NUP210L: variants seen among roughly 807,000 people sequenced by gnomAD.
The protein encoded by NUP210L is nucleoporin 210 like.
In NUP210L, 74 loss-of-function variants were observed where a neutral mutation model predicts 208.5. That is an observed-to-expected ratio of 0.35 (90% confidence interval 0.29 to 0.43). NUP210L has a LOEUF of 0.43. Among genes scored for constraint, NUP210L ranks in the 20% least tolerant of loss-of-function variants. The pLI is 1.00. For synonymous variants in NUP210L, 780 were observed against 816.9 expected (o/e 0.95, Z 0.77); for missense variants, 1,843 against 2,289.4 (o/e 0.81, Z 3.98).
chr1:154,002,160 A>G (rs565254972), intron 35 of NUP210L, among the ~76,000 whole-genome samples, 175 bp from the exon 36 acceptor site: 33 of 152,294 alleles, frequency 2.2e-4, no homozygotes, highest in Middle Eastern at 6.8e-3. Flanking sequence ...AGGATGCCAA[A>G]TAAAAAGAAA....
intron 17 of NUP210L, among the ~76,000 whole-genome samples, chr1:154,062,361 C>T (rs1654183121): frequency 6.6e-6 from 1 of 151,978 alleles, no homozygotes; most frequent in Admixed American, 6.6e-5. Flanking sequence ...CTTTCATTCT[C>T]CTAAATTGTC....
intron 16 of NUP210L, among the ~76,000 whole-genome samples, chr1:154,086,979 C>T (rs1006184486): frequency 6.6e-6 from 1 of 152,104 alleles, no homozygotes; most frequent in Non-Finnish European, 1.5e-5. Context: ...TCTGAATATA[C>T]ATTTGTCAAA....
intron 7 of NUP210L, among the ~76,000 whole-genome samples, chr1:154,130,684 A>G (rs1393881691): frequency 6.6e-6 from 1 of 150,604 alleles, no homozygotes. Context: ...CCTGGACTCA[A>G]GCGATTCTCC....
rs184211124 is a variant in NUP210L at position 154,054,571 on chromosome 1, G to T, written c.3304-164C>A. On this transcript the variant is annotated intron_variant, in intron 24 of 39. Transcript: ENST00000368559. ...CAGAAGAAATGGAAGTACTGCAAAT[G>T]ATCCATGGGATTCCAAGAGAGTTTT... Among the ~76,000 whole-genome samples, 299 of 152,288 alleles carry T rather than the reference G, an allele frequency of 2.0e-3. 2 individuals carry two copies. The highest frequency in any genetic ancestry group is 7.0e-3 in the African/African-American group (290 of 41,560).
At chr1:154,048,803 G>A (rs1653324398) in intron 25 of NUP210L, among the ~76,000 whole-genome samples, 1 of 152,180 alleles carries the variant, frequency 6.6e-6, no homozygotes, top group Admixed American at 6.5e-5. Context: ...AATTTAAAAG[G>A]AGTGCAAGTA....
intron 37 of NUP210L, among the ~76,000 whole-genome samples, chr1:153,997,126 G>C (rs1302749381): frequency 2.0e-5 from 3 of 151,906 alleles, no homozygotes; most frequent in Non-Finnish European, 4.4e-5. Context: ...ACCACGCCCA[G>C]ATAATTTTTG....
At chr1:154,097,869 G>A (rs1015124500) in intron 14 of NUP210L, among the ~76,000 whole-genome samples, 1 of 152,202 alleles carries the variant, frequency 6.6e-6, no homozygotes. Flanking sequence ...AGGATACTTA[G>A]GGTGTTGCTT....
chr1:154,083,080 A>T (rs552965958), intron 16 of NUP210L, among the ~76,000 whole-genome samples: 27 of 152,316 alleles, frequency 1.8e-4, no homozygotes, highest in Middle Eastern at 3.4e-3. Context: ...ATTTACTGTG[A>T]AGACCAAATG....
chr1:154,090,471 C>A (rs374497031), intron 15 of NUP210L, among the ~76,000 whole-genome samples: 8 of 152,070 alleles, frequency 5.3e-5, no homozygotes, highest in Non-Finnish European at 1.2e-4. Flanking sequence ...ATGATAAAAG[C>A]CTTACCACAG....
At chr1:154,143,539 C>T (rs933465550) in exon 3 of NUP210L, 1 of 1,613,958 alleles carries the variant, frequency 6.2e-7, no homozygotes. Flanking sequence ...CTGTTTATCA[C>T]ATCAACCTTA....
chr1:154,035,275 T>C (rs1652469740), intron 27 of NUP210L, among the ~76,000 whole-genome samples: 1 of 152,182 alleles, frequency 6.6e-6, no homozygotes, highest in South Asian at 2.1e-4. Flanking sequence ...TTCTTTTTCA[T>C]TTCAATTTCA....
At chr1:154,074,176 C>T (rs1654921750) in intron 16 of NUP210L, among the ~76,000 whole-genome samples, 1 of 152,018 alleles carries the variant, frequency 6.6e-6, no homozygotes, top group Admixed American at 6.6e-5. Flanking sequence ...GTATGGTTTC[C>T]CCTCTGTGGG....
chr1:154,149,087 C>CTTTTTTT lies in NUP210L; in HGVS notation c.340+3642_340+3648dup, dbSNP rs770217261. Among the ~76,000 whole-genome samples the CTTTTTTT allele has an allele frequency of 4.0e-4, 48 of 119,334 alleles. No individual in the cohort carries two copies. The South Asian group carries it at 6.7e-3, about 17-fold the overall frequency. 78.3% of individuals were successfully genotyped at this position (119,334 alleles called of 152,430 possible). On this transcript the variant is annotated intron_variant, in intron 2 of 39. Coordinates refer to ENST00000368559, the Ensembl canonical transcript of NUP210L. ...ACTACTTCAACAGCAGAAAACTTCT[C>CTTTTTTT]TTTTTTTTTTTTCCTGAGAAGGAGT...
In NUP210L at chr1:154,046,504, A is replaced by G. The variant is rs1445403068; in HGVS notation, c.3484-135T>C. On this transcript the variant is annotated intron_variant, in intron 25 of 39. Coordinates refer to ENST00000368559, the Ensembl canonical transcript of NUP210L. Reference sequence around the variant, plus strand: ...CCTTGCCCATGCTTATTGCAGCACTATTCACAATAGCCAATATTTGGAGCC... The same window carrying G: ...CCTTGCCCATGCTTATTGCAGCACTGTTCACAATAGCCAATATTTGGAGCC... The G allele has an allele frequency of 2.5e-5, 18 of 708,138 alleles. No homozygotes were observed. In the African/African-American group the frequency reaches 3.0e-4, roughly 12 times the overall value. 43.9% of individuals were successfully genotyped at this position (708,138 alleles called of 1,614,324 possible).
intron 12 of NUP210L, among the ~76,000 whole-genome samples, chr1:154,111,374 T>C (rs1456120234): frequency 6.6e-6 from 1 of 151,068 alleles, no homozygotes; most frequent in Non-Finnish European, 1.5e-5. Context: ...CAGAGTGAGA[T>C]TCAGTCTCAA....
rs1649525862 is a variant in NUP210L, at chr1:153,992,696, G to C, written c.*139C>G. 4.6e-6 allele frequency: 3 copies of C among 653,556 alleles called. No homozygotes were observed. In the Admixed American group the frequency reaches 8.0e-5, roughly 17 times the overall value. The allele number at this position is 653,556 out of a possible 1,614,324, so 40.5% of individuals were successfully genotyped here. ...ATACAGTCTGACATACCAGTTTTAA[G>C]AAACAGCTTAGGATGCTTTATTTAT... On this transcript the variant is annotated 3_prime_UTR_variant, in exon 40 of 40. Coordinates refer to ENST00000368559, the Ensembl canonical transcript of NUP210L.
At chr1:154,069,440 T>C (rs1301471912) in intron 17 of NUP210L, among the ~76,000 whole-genome samples, 1 of 152,084 alleles carries the variant, frequency 6.6e-6, no homozygotes, top group African/African-American at 2.4e-5. Context: ...AACAGATACA[T>C]GAAAAAATGC....
intron 3 of NUP210L, among the ~76,000 whole-genome samples, chr1:154,142,708 T>C (rs915471171): frequency 6.6e-6 from 1 of 151,398 alleles, no homozygotes; most frequent in Non-Finnish European, 1.5e-5. Context: ...CTGGTCAACA[T>C]GGTGAAACCC....
chr1:154,081,714 G>A (rs533381942), intron 16 of NUP210L, among the ~76,000 whole-genome samples: 4 of 152,270 alleles, frequency 2.6e-5, no homozygotes, highest in Non-Finnish European at 4.4e-5. Context: ...GGGCATGGTG[G>A]TTCACACCTA....
Sources: gnomAD v4.1 joint callset for allele counts (sites outside exome capture counted in the v4.1 genomes callset) on GRCh38, gnomAD v4.1.1 for gene constraint, MANE v1.5 for transcripts, NCBI Gene and HGNC (gene_info 2026-07-23, HGNC 2026-07-21) for gene names.